Variants in TFPI observed in about 807,000 individuals in gnomAD.
The protein encoded by TFPI is tissue factor pathway inhibitor, also known as anti-convertin.
Under a neutral mutation model 34.6 loss-of-function variants are expected in TFPI, and 15 were observed. The ratio of observed to expected loss-of-function variants is 0.43; its 90% CI spans 0.29 to 0.67. The LOEUF (loss-of-function observed/expected upper bound fraction) is 0.67. Ranked by LOEUF, TFPI falls within the 30% of genes least tolerant of loss-of-function variation. The pLI, the probability that TFPI is intolerant of heterozygous loss-of-function variation, is 0.15. For synonymous variants in TFPI, 105 were observed against 120.1 expected (o/e 0.87, Z 0.82); for missense variants, 301 against 364.0 (o/e 0.83, Z 1.41).
chr2:187,475,868 A>G (rs1327943502), intron 6 of TFPI, among the ~76,000 whole-genome samples: 1 of 152,210 alleles, frequency 6.6e-6, no homozygotes, highest in Non-Finnish European at 1.5e-5. Context: ...CTCCTTTAGA[A>G]CTGATGTCCA....
intron 1 of TFPI, among the ~76,000 whole-genome samples, chr2:187,534,914 TA>T (rs35325041): frequency 6.8e-6 from 1 of 146,972 alleles, no homozygotes; most frequent in African/African-American, 2.5e-5. Flanking sequence ...AATAAAAAAA[TA>T]AAAAAAATCA....
At chr2:187,552,151 AT>A (rs11331141) in intron 1 of TFPI, among the ~76,000 whole-genome samples, 132,856 of 151,700 alleles carry the variant, frequency 0.88, 58,416 homozygotes, top group Middle Eastern at 0.96. Flanking sequence ...TTTACTTTGC[AT>A]TTTTTTTCTT....
rs1011299646 is a variant in TFPI, at chr2:187,496,327, C to T, written c.319+554G>A. On this transcript the variant is annotated intron_variant, in intron 3 of 7. Coordinates refer to ENST00000233156, the MANE Select transcript of TFPI (RefSeq NM_006287.6). Reference sequence around the variant, plus strand: ...GAGCTTCAATTTCCAGATTCATGATCTTGAGAGAGTATAGCGATGAGACCA... The same window carrying T: ...GAGCTTCAATTTCCAGATTCATGATTTTGAGAGAGTATAGCGATGAGACCA... Among the ~76,000 whole-genome samples, 4 of 152,126 alleles carry T rather than the reference C, an allele frequency of 2.6e-5. No individual in the cohort carries two copies. The South Asian group carries it at 8.3e-4, about 32-fold the overall frequency.
intron 6 of TFPI, among the ~76,000 whole-genome samples, chr2:187,476,507 T>C (rs1330117103): frequency 6.6e-6 from 1 of 152,058 alleles, no homozygotes; most frequent in Non-Finnish European, 1.5e-5. Flanking sequence ...ACTGAGCTAA[T>C]TATTTTATCT....
At chr2:187,529,348 G>A (rs1687842309) in intron 1 of TFPI, 1 of 152,198 alleles carries the variant, frequency 6.6e-6, no homozygotes, top group African/African-American at 2.4e-5. Context: ...TTAAACAACA[G>A]AAATTTGTAT....
intron 1 of TFPI, chr2:187,517,752 C>A (rs1687105240): frequency 6.6e-6 from 1 of 152,146 alleles, no homozygotes; most frequent in African/African-American, 2.4e-5. Flanking sequence ...GTTTAAGTCT[C>A]CTACTATTAT....
intron 1 of TFPI, chr2:187,515,764 G>A (rs2106183623): frequency 6.6e-6 from 1 of 152,268 alleles, no homozygotes; most frequent in Non-Finnish European, 1.5e-5. Flanking sequence ...GTTATTATAA[G>A]TGTACCAGGA....
intron 6 of TFPI, among the ~76,000 whole-genome samples, chr2:187,480,471 T>G (rs1436344488): frequency 6.6e-6 from 1 of 152,168 alleles, no homozygotes; most frequent in Admixed American, 6.6e-5. Context: ...AAACTCAGGT[T>G]AAGAAATATC....
At chr2:187,492,484 C>T (rs1384724263) in intron 3 of TFPI, among the ~76,000 whole-genome samples, 3 of 152,150 alleles carry the variant, frequency 2.0e-5, no homozygotes, top group Non-Finnish European at 4.4e-5. Context: ...CCATTCACCA[C>T]TGTGTGTTTT....
intron 1 of TFPI, chr2:187,547,846 C>A (rs1245964070): frequency 6.6e-6 from 1 of 152,080 alleles, no homozygotes; most frequent in Admixed American, 6.5e-5. Context: ...AAGTCCTACC[C>A]AACACATGAT....
At chr2:187,553,785 T>C (rs1444531753) in intron 1 of TFPI, among the ~76,000 whole-genome samples, 8 of 152,168 alleles carry the variant, frequency 5.3e-5, no homozygotes, top group Admixed American at 5.2e-4. Context: ...TGAAAGATTA[T>C]TTGAATAGAA....
intron 3 of TFPI, among the ~76,000 whole-genome samples, chr2:187,489,212 G>T (rs1684932430): frequency 6.6e-6 from 1 of 151,384 alleles, no homozygotes; most frequent in Non-Finnish European, 1.5e-5. Context: ...AAGAATGAGA[G>T]AAATAATATG....
At chr2:187,479,422 A>G (rs188726765) in intron 6 of TFPI, among the ~76,000 whole-genome samples, 23 of 151,220 alleles carry the variant, frequency 1.5e-4, no homozygotes, top group Admixed American at 4.0e-4. Flanking sequence ...TGTGTTATAT[A>G]CAATATCTGA....
At chr2:187,523,199 T>C (rs549644866) in intron 1 of TFPI, among the ~76,000 whole-genome samples, 1 of 152,210 alleles carries the variant, frequency 6.6e-6, no homozygotes, top group South Asian at 2.1e-4. Context: ...AATACATAAA[T>C]AAATAAGGAA....
intron 1 of TFPI, among the ~76,000 whole-genome samples, chr2:187,523,091 C>T (rs966425790): frequency 1.6e-4 from 24 of 151,914 alleles, no homozygotes; most frequent in Non-Finnish European, 1.9e-4. Context: ...ATACAAGGAA[C>T]TGCACATATT....
intron 6 of TFPI, among the ~76,000 whole-genome samples, chr2:187,479,294 G>C (rs945995374): frequency 1.3e-5 from 2 of 151,782 alleles, no homozygotes; most frequent in Admixed American, 1.3e-4. Flanking sequence ...TCGATGACTA[G>C]AAATAGGACA....
At position 187,464,264 on chromosome 2, in the gene TFPI, T is replaced by C. The variant is rs1691614175; in HGVS notation, c.*2672A>G. The C allele has an allele frequency of 6.6e-6, 1 of 152,180 alleles. No individual in the cohort carries two copies. The highest frequency in any genetic ancestry group is 2.4e-5 in the African/African-American group (1 of 41,452). 9.4% of individuals were successfully genotyped at this position (152,180 alleles called of 1,614,324 possible). A position where few individuals can be genotyped will look rare whatever the true frequency, so the allele number is the denominator to read the frequency against. ...TCAGAATAATATATTTTACTTCTTA[T>C]AATGTAAAAAATATAATCGTTTGAG... On this transcript the variant is annotated 3_prime_UTR_variant, in exon 8 of 8. Coordinates refer to ENST00000233156, the MANE Select transcript of TFPI (RefSeq NM_006287.6).
Position 187,503,732 on chromosome 2 carries a change from C to A in TFPI, c.37G>T (p.Ala13Ser). 1 of 1,613,022 alleles carries A rather than the reference C, an allele frequency of 6.2e-7. No individual in the cohort carries two copies. Among genetic ancestry groups the A allele is most frequent in the Non-Finnish European group, 8.5e-7 (1 of 1,179,300 alleles). The change falls in exon 2 of 8, where the codon GCT becomes TCT. Residue 13 changes from alanine (A) to serine (S), a missense_variant. By Grantham distance (99) the Ala-to-Ser change is moderately conservative. Transcript: ENST00000233156. ...AGATTAAGCAGCAGGCATACAGAAG[C>A]CCAAAGTGCATGTACTTTCTTCATT... ...YTMKKVHALW[A>S]SVCLLLNLAP...
At chr2:187,525,337 T>C (rs1194921923) in intron 1 of TFPI, among the ~76,000 whole-genome samples, 2 of 152,156 alleles carry the variant, frequency 1.3e-5, no homozygotes. Context: ...ATAATTACTT[T>C]GTCTCCAGCA....
Sources: allele counts gnomAD v4.1 joint callset (sites outside exome capture counted in the v4.1 genomes callset), GRCh38; gene constraint gnomAD v4.1.1; transcripts MANE v1.5; gene names NCBI Gene and HGNC (gene_info 2026-07-23, HGNC 2026-07-21).